MAST4: variants seen among roughly 807,000 people sequenced by gnomAD.
MAST4 encodes microtubule associated serine/threonine kinase family member 4.
A neutral mutation model predicts 162.7 loss-of-function variants in MAST4; 89 were observed. That is an observed-to-expected ratio of 0.55 (90% CI 0.46 to 0.65). MAST4 has a LOEUF of 0.65. Among genes scored for constraint, MAST4 ranks in the 30% least tolerant of loss-of-function variants. The pLI, the probability that MAST4 is intolerant of heterozygous loss-of-function variation, is 0.00. For synonymous variants in MAST4, 1,479 were observed against 1,361.1 expected (o/e 1.09, Z -1.91); for missense variants, 3,153 against 3,374.0 (o/e 0.93, Z 1.62).
At chr5:66,832,978 A>G (rs775633635) in intron 3 of MAST4, among the ~76,000 whole-genome samples, 10 of 152,152 alleles carry the variant, frequency 6.6e-5, no homozygotes, top group Non-Finnish European at 1.3e-4. Context: ...TTTCTTACCC[A>G]TTGGAGGAGT....
Position 66,696,343 on chromosome 5 carries a change from G to A in MAST4, c.364-63366G>A, listed in dbSNP as rs559537886. Among the ~76,000 whole-genome samples, 105 of 151,490 alleles carry A rather than the reference G, an allele frequency of 6.9e-4. 1 individual carries two copies. Among genetic ancestry groups the A allele is most frequent in the South Asian group, 3.8e-3 (18 of 4,784 alleles). Reference sequence around the variant, plus strand: ...TAACAAACCTACATGTCTTCCACGTGTATCCCAGAACTTTAAAAAAAAAAA... The same window carrying A: ...TAACAAACCTACATGTCTTCCACGTATATCCCAGAACTTTAAAAAAAAAAA... On this transcript the variant is annotated intron_variant, in intron 1 of 28. Coordinates refer to ENST00000403625, the MANE Select transcript of MAST4 (RefSeq NM_001164664.2).
chr5:67,023,916 T>G (rs760780678), intron 4 of MAST4, among the ~76,000 whole-genome samples: 1 of 152,086 alleles, frequency 6.6e-6, no homozygotes, highest in Non-Finnish European at 1.5e-5. Context: ...AAAAAATGTT[T>G]AATTGTGTAC....
chr5:66,695,119 C>T (rs928252725), intron 1 of MAST4, among the ~76,000 whole-genome samples: 1 of 152,036 alleles, frequency 6.6e-6, no homozygotes, highest in Non-Finnish European at 1.5e-5. Context: ...ATGGCATTTT[C>T]TAGATTTTCT....
intron 3 of MAST4, among the ~76,000 whole-genome samples, chr5:66,879,902 AC>A (rs1303492515): frequency 6.6e-6 from 1 of 152,214 alleles, no homozygotes; most frequent in African/African-American, 2.4e-5. Context: ...AAATACATGT[AC>A]CTTTTGACCC....
chr5:67,006,384 A>G (rs917908052), intron 4 of MAST4, among the ~76,000 whole-genome samples: 1 of 152,202 alleles, frequency 6.6e-6, no homozygotes, highest in African/African-American at 2.4e-5. Flanking sequence ...ATTTTGTAGT[A>G]TTGCTCATCA....
chr5:66,679,347 T>A lies in MAST4; in HGVS notation c.364-80362T>A, dbSNP rs143069127. On this transcript the variant is annotated intron_variant, in intron 1 of 28. Transcript: ENST00000403625. ...TAGTGGTCAATTGCATGTGGTTAAG[T>A]GGGGACAACTCCTCAGTTTCTGGTA... Among the ~76,000 whole-genome samples, 4 of 152,288 alleles carry A rather than the reference T, an allele frequency of 2.6e-5. No homozygotes were observed. The East Asian group carries it at 5.8e-4, about 22-fold the overall frequency.
chr5:66,627,693 A>G (rs1047270101), intron 1 of MAST4, among the ~76,000 whole-genome samples: 1 of 151,848 alleles, frequency 6.6e-6, no homozygotes, highest in African/African-American at 2.4e-5. Flanking sequence ...TTAAAGAAAA[A>G]ACTTCTAGCA....
In MAST4 at chr5:66,850,833, C is replaced by T. The variant is rs137868702; in HGVS notation, c.643-49118C>T. On this transcript the variant is annotated intron_variant, in intron 3 of 28. Transcript: ENST00000403625. The stretch of plus-strand genomic sequence containing the variant: ...ACTGGTTCTTGCCTAACAGAAATTA[C>T]TCCATTTCAGAGTGTTCATTAATAT... 1.5e-3 allele frequency among the ~76,000 whole-genome samples: 221 copies of T among 152,010 alleles called. 1 individual carries two copies. The highest frequency in any genetic ancestry group is 5.1e-3 in the African/African-American group (210 of 41,456).
chr5:66,626,250 ATCT>A (rs1164455966), intron 1 of MAST4, among the ~76,000 whole-genome samples: 2 of 151,624 alleles, frequency 1.3e-5, no homozygotes, highest in African/African-American at 4.9e-5. Flanking sequence ...TAGATCTTAA[ATCT>A]TCTCATATAC....
Position 66,874,296 on chromosome 5 carries a change from T to C in MAST4, c.643-25655T>C, listed in dbSNP as rs1259344544. On this transcript the variant is annotated intron_variant, in intron 3 of 28. Coordinates refer to ENST00000403625, the MANE Select transcript of MAST4 (RefSeq NM_001164664.2). ...ACCATGGAGCAGTTATTTGTAGAGC[T>C]GGTAAAGGCCTCTGTTAAATAAAAA... Among the ~76,000 whole-genome samples the C allele has an allele frequency of 1.3e-5, 2 of 152,160 alleles. 1 individual carries two copies. Among genetic ancestry groups the C allele is most frequent in the Non-Finnish European group, 2.9e-5 (2 of 68,024 alleles).
chr5:67,100,375 T>G (rs939109616), intron 7 of MAST4, 60 bp from the exon 8 acceptor site: 2 of 1,561,260 alleles, frequency 1.3e-6, no homozygotes, highest in Admixed American at 3.4e-5. Context: ...CGATCTCTCC[T>G]GTTCATTTGA....
chr5:66,963,812 A>G (rs1291271953), intron 4 of MAST4: 1 of 779,174 alleles, frequency 1.3e-6, no homozygotes, highest in South Asian at 1.3e-5. Flanking sequence ...GGGCCTGCCC[A>G]GGGCTGCTTT....
intron 3 of MAST4, among the ~76,000 whole-genome samples, chr5:66,856,899 T>G (rs1197387050): frequency 6.6e-6 from 1 of 152,224 alleles, no homozygotes; most frequent in Non-Finnish European, 1.5e-5. Context: ...CTGAATAACA[T>G]AGAGAATGAT....
rs529164004 is a variant in MAST4, at chr5:67,068,281, G to A, written c.763+13789G>A. 2.0e-5 allele frequency among the ~76,000 whole-genome samples: 3 copies of A among 152,302 alleles called. No homozygotes were observed. In the South Asian group the frequency reaches 6.2e-4, roughly 32 times the overall value. ...GCTATGAAGAAATACTCGAGACTGG[G>A]TAATTTATAAAGGAGAGGTTTAATT... On this transcript the variant is annotated intron_variant, in intron 5 of 28. Coordinates refer to ENST00000403625, the MANE Select transcript of MAST4 (RefSeq NM_001164664.2).
intron 10 of MAST4, among the ~76,000 whole-genome samples, chr5:67,105,584 T>C (rs1581578929): frequency 6.6e-6 from 1 of 152,322 alleles, no homozygotes; most frequent in East Asian, 1.9e-4. Flanking sequence ...CACATTGTTT[T>C]GGGGTTTTTC....
At chr5:67,028,664 G>C (rs1399871401) in intron 4 of MAST4, among the ~76,000 whole-genome samples, 1 of 152,152 alleles carries the variant, frequency 6.6e-6, no homozygotes, top group African/African-American at 2.4e-5. Flanking sequence ...TAGCCTGTTA[G>C]ACAATGGTAC....
At chr5:66,686,246 C>A (rs746245353) in intron 1 of MAST4, among the ~76,000 whole-genome samples, 5 of 152,132 alleles carry the variant, frequency 3.3e-5, no homozygotes, top group Non-Finnish European at 7.3e-5. Context: ...TCATAGGTGG[C>A]TGTAAGATTA....
At position 66,596,751 on chromosome 5, in the gene MAST4, C is replaced by A; in HGVS notation, c.96C>A (p.Ser32=). The change falls in exon 1 of 29, where the codon TCC becomes TCA. Residue 32 remains serine, a synonymous_variant. Transcript: ENST00000403625. The stretch of plus-strand genomic sequence containing the variant: ...CAGCCTCTGCGCTGGTCGCCGCGTC[C>A]TCTCCGGGTGCTTCCTCGGCCGAGT... ...RTPASALVAA[S]SPGASSAESS... is the part of the protein sequence containing the mutation. 7.1e-7 allele frequency: 1 copy of A among 1,405,246 alleles called. No homozygotes were observed. Among genetic ancestry groups the A allele is most frequent in the Non-Finnish European group, 9.3e-7 (1 of 1,078,000 alleles). 87.0% of individuals were successfully genotyped at this position (1,405,246 alleles called of 1,614,324 possible).
intron 2 of MAST4, among the ~76,000 whole-genome samples, chr5:66,770,452 G>A (rs987174222): frequency 4.6e-5 from 7 of 152,298 alleles, no homozygotes; most frequent in Non-Finnish European, 7.3e-5. Context: ...TCCCATGCAG[G>A]TGGTCTACCG....
Sources: gnomAD v4.1 joint callset for allele counts (sites outside exome capture counted in the v4.1 genomes callset) on GRCh38, gnomAD v4.1.1 for gene constraint, MANE v1.5 for transcripts, NCBI Gene and HGNC (gene_info 2026-07-23, HGNC 2026-07-21) for gene names.